SATB1: variants seen among roughly 807,000 people sequenced by gnomAD.
The protein encoded by SATB1 is SATB homeobox 1.
A neutral mutation model predicts 86.9 loss-of-function variants in SATB1; 11 were observed. That is an observed-to-expected ratio of 0.13 (90% confidence interval 0.08 to 0.21). SATB1 has a LOEUF of 0.21. SATB1 is among the 10% of genes least tolerant of loss of function. The pLI is 1.00. For synonymous variants in SATB1, 357 were observed against 357.2 expected (o/e 1.00, Z 0.01); for missense variants, 551 against 937.6 (o/e 0.59, Z 5.39).
At chr3:18,402,071 A>G (rs1056263399) in intron 5 of SATB1, among the ~76,000 whole-genome samples, 1 of 152,170 alleles carries the variant, frequency 6.6e-6, no homozygotes, top group Non-Finnish European at 1.5e-5. Context: ...GAAAAACAAA[A>G]ACCACAAAGA....
At chr3:18,381,597 C>T (rs1204594221) in intron 8 of SATB1, among the ~76,000 whole-genome samples, 3 of 152,158 alleles carry the variant, frequency 2.0e-5, no homozygotes, top group Non-Finnish European at 4.4e-5. Flanking sequence ...GAGTTCATGA[C>T]ATTACCTGCA....
chr3:18,433,292 A>C (rs939310558), intron 2 of SATB1, among the ~76,000 whole-genome samples: 2 of 152,206 alleles, frequency 1.3e-5, no homozygotes, highest in Non-Finnish European at 2.9e-5. Context: ...TCATATATGC[A>C]GAACAGCTGC....
rs776281718 is a variant in SATB1 at position 18,349,331 on chromosome 3, C to T, written c.2131G>A (p.Gly711Ser). The T allele has an allele frequency of 1.3e-5, 21 of 1,614,044 alleles. No individual in the cohort carries two copies. The South Asian group carries it at 1.4e-4, about 11-fold the overall frequency. Residue 711 changes from glycine (G) to serine (S), a missense_variant, in exon 11 of 11, where the codon GGT becomes AGT. Physicochemically the swap from Gly to Ser is moderately conservative, Grantham distance 56 (BLOSUM62 0). Transcript: ENST00000338745. This position sits in a 1 kb window ranked among gnomAD's most constrained non-coding sequence, Gnocchi z 5.5. ...KHHGKLKDNS[G>S]LEVDVAEYKE... ...TATTCTGCCACATCGACCTCTAAAC[C>T]GGAATTGTCCTTCAGTTTGCCGTGG...
intron 5 of SATB1, among the ~76,000 whole-genome samples, chr3:18,406,912 A>G (rs1295230055): frequency 6.6e-6 from 1 of 152,064 alleles, no homozygotes; most frequent in African/African-American, 2.4e-5. Context: ...ATCCTACAAG[A>G]TTGTTTAAGT....
At chr3:18,397,355 T>C in intron 5 of SATB1, 65 bp from the exon 6 acceptor site, 3 of 943,792 alleles carry the variant, frequency 3.2e-6, no homozygotes, top group Non-Finnish European at 5.2e-6. Flanking sequence ...ACAGAAATGA[T>C]CTCAATTGTG....
intron 5 of SATB1, among the ~76,000 whole-genome samples, chr3:18,401,266 T>C (rs376234321): frequency 6.6e-6 from 1 of 152,286 alleles, no homozygotes; most frequent in African/African-American, 2.4e-5. Context: ...CCTCTTCCCC[T>C]TTTTTCCCCT....
chr3:18,370,514 G>GAAAAAAAAAAAAAAAAAAAAAAAAGA (rs1559407361), intron 9 of SATB1, among the ~76,000 whole-genome samples: 1 of 13,236 alleles, frequency 7.6e-5, no homozygotes. Flanking sequence ...ACTGAGAGAG[G>GAAAAAAAAAAAAAAAAAAAAAAAAGA]CAAAAAAAAA....
upstream of SATB1, among the ~76,000 whole-genome samples, chr3:18,439,077 T>A (rs898829649): frequency 4.6e-5 from 7 of 152,180 alleles, no homozygotes; most frequent in Non-Finnish European, 8.8e-5. Context: ...CTGAACCAAC[T>A]CTTAATTTTT....
chr3:18,395,068 C>A, intron 6 of SATB1, 152 bp from the exon 7 acceptor site: 1 of 611,680 alleles, frequency 1.6e-6, no homozygotes, highest in East Asian at 2.8e-5. Context: ...ACTTACCAGG[C>A]TGTGTTTTTG....
intron 5 of SATB1, chr3:18,408,931 G>A (rs2125144462): frequency 6.6e-6 from 1 of 151,870 alleles, no homozygotes; most frequent in South Asian, 2.1e-4. Context: ...CTTTCTCTCA[G>A]GCCATGTCTA....
chr3:18,435,921 A>G (rs1475156041), intron 2 of SATB1, among the ~76,000 whole-genome samples: 4 of 152,190 alleles, frequency 2.6e-5, no homozygotes, highest in Non-Finnish European at 4.4e-5. Context: ...ACAGCAGTGC[A>G]CCACTTAAGA....
chr3:18,391,643 G>T (rs995075263), intron 7 of SATB1, among the ~76,000 whole-genome samples: 2 of 150,314 alleles, frequency 1.3e-5, no homozygotes, highest in Non-Finnish European at 3.0e-5. Flanking sequence ...GTTTTTTAAT[G>T]TTTTAAAAGT....
chr3:18,429,873 C>T (rs553423163), upstream of SATB1, among the ~76,000 whole-genome samples: 2 of 152,226 alleles, frequency 1.3e-5, no homozygotes, highest in Non-Finnish European at 2.9e-5. The surrounding 1 kb of genome is among the most constrained non-coding windows in gnomAD (Gnocchi z 4.1). Context: ...TGCTCACTGC[C>T]ATATTACTAG....
At chr3:18,364,923 AGACTG>A in intron 9 of SATB1, among the ~76,000 whole-genome samples, 1 of 152,108 alleles carries the variant, frequency 6.6e-6, no homozygotes, top group East Asian at 1.9e-4. Flanking sequence ...AGGGGTTCCT[AGACTG>A]TGTCCTCAGT....
At chr3:18,426,831 A>G (rs1450832226), upstream of SATB1, among the ~76,000 whole-genome samples, 1 of 152,260 alleles carries the variant, frequency 6.6e-6, no homozygotes, top group African/African-American at 2.4e-5. The surrounding 1 kb of genome is among the most constrained non-coding windows in gnomAD (Gnocchi z 4.2). Flanking sequence ...ATACACTCTT[A>G]GGCACACTGT....
At chr3:18,417,125 G>C (rs368349176) in intron 2 of SATB1, 47 bp from the exon 3 acceptor site, 17 of 1,576,796 alleles carry the variant, frequency 1.1e-5, no homozygotes, top group Non-Finnish European at 1.5e-5. Context: ...ACAATCTTCA[G>C]AAATACAGCT....
In SATB1 at chr3:18,346,578, T is replaced by TTGTGTGTG. The variant is rs71634841; in HGVS notation, c.*2584_*2591dup. 59 of 149,630 alleles carry TTGTGTGTG rather than the reference T, an allele frequency of 3.9e-4. No individual in the cohort carries two copies. The highest frequency in any genetic ancestry group is 3.5e-3 in the Middle Eastern group (1 of 288). 9.3% of individuals were successfully genotyped at this position (149,630 alleles called of 1,614,324 possible). A position where few individuals can be genotyped will look rare whatever the true frequency, so the allele number is the denominator to read the frequency against. ...ATCCTATCAGTTTATTAACATGTGC[T>TTGTGTGTG]TGTGTGTGTGTGTGTGTGTGTGTGT... On this transcript the variant is annotated 3_prime_UTR_variant, in exon 11 of 11. Transcript: ENST00000338745.
At chr3:18,360,992 G>A (rs558874334) in intron 9 of SATB1, among the ~76,000 whole-genome samples, 2 of 152,174 alleles carry the variant, frequency 1.3e-5, no homozygotes, top group East Asian at 3.9e-4. Context: ...GATTTGAAAA[G>A]GGGACAATAT....
intron 6 of SATB1, among the ~76,000 whole-genome samples, chr3:18,395,596 G>A (rs1696925640): frequency 6.6e-6 from 1 of 152,176 alleles, no homozygotes; most frequent in Non-Finnish European, 1.5e-5. Flanking sequence ...ATACTTTTTA[G>A]AATAAAGCAA....
Sources: gnomAD v4.1 joint callset for allele counts (sites outside exome capture counted in the v4.1 genomes callset) on GRCh38, gnomAD v4.1.1 for gene constraint, Gnocchi (gnomAD v3.1) non-coding constraint, MANE v1.5 for transcripts, NCBI Gene and HGNC (gene_info 2026-07-23, HGNC 2026-07-21) for gene names.